SLIT2: variants seen among roughly 807,000 people sequenced by gnomAD.
The protein encoded by SLIT2 is slit guidance ligand 2.
SLIT2 carries 41 observed loss-of-function variants against 185.7 expected under a neutral mutation model. The ratio of observed to expected loss-of-function variants is 0.22; its 90% CI spans 0.17 to 0.29. The LOEUF (loss-of-function observed/expected upper bound fraction) is 0.29. SLIT2 is among the 10% of genes least tolerant of loss of function. The pLI is 1.00. For missense variants in SLIT2, 1,571 were observed against 1,909.0 expected, an observed-to-expected ratio of 0.82 and a Z score of 3.30; for synonymous variants, 693 against 680.2, an observed-to-expected ratio of 1.02 and a Z score of -0.29.
At chr4:20,540,564 C>G (rs1198596540) in intron 19 of SLIT2, among the ~76,000 whole-genome samples, 1 of 151,974 alleles carries the variant, frequency 6.6e-6, no homozygotes, top group Non-Finnish European at 1.5e-5. Flanking sequence ...TATTTCAGGT[C>G]TCTTATATGT....
At chr4:20,279,276 T>C (rs542944178) in intron 4 of SLIT2, among the ~76,000 whole-genome samples, 1 of 152,340 alleles carries the variant, frequency 6.6e-6, no homozygotes, top group Non-Finnish European at 1.5e-5. Flanking sequence ...TTGGCTTTGA[T>C]GACCCACCAT....
intron 34 of SLIT2, 56 bp from the exon 35 acceptor site, chr4:20,616,854 C>G (rs1729693474): frequency 6.6e-7 from 1 of 1,519,568 alleles, no homozygotes; most frequent in South Asian, 1.3e-5. Flanking sequence ...TTCTGAGTAG[C>G]AAATGGCTCA....
At chr4:20,349,656 C>T (rs1222217210) in intron 4 of SLIT2, among the ~76,000 whole-genome samples, 2 of 152,126 alleles carry the variant, frequency 1.3e-5, no homozygotes, top group East Asian at 1.9e-4. Flanking sequence ...CCATGAATTC[C>T]CCAAATTGCT....
intron 4 of SLIT2, among the ~76,000 whole-genome samples, chr4:20,345,516 C>T (rs1189567207): frequency 4.8e-5 from 7 of 144,950 alleles, no homozygotes; most frequent in South Asian, 4.5e-4. Flanking sequence ...TTTTCTTTTT[C>T]TTTTTCTTTT....
intron 7 of SLIT2, among the ~76,000 whole-genome samples, chr4:20,487,954 A>T (rs1440291870): frequency 6.6e-6 from 1 of 152,226 alleles, no homozygotes; most frequent in African/African-American, 2.4e-5. Context: ...AAATGGTATT[A>T]CTGTGTCATA....
At chr4:20,398,261 T>A (rs1183328683) in intron 4 of SLIT2, among the ~76,000 whole-genome samples, 2 of 151,326 alleles carry the variant, frequency 1.3e-5, no homozygotes, top group Non-Finnish European at 3.0e-5. Context: ...AAAATCAGAG[T>A]TGTATTTGTT....
At chr4:20,308,221 A>G (rs913896649) in intron 4 of SLIT2, among the ~76,000 whole-genome samples, 3 of 152,146 alleles carry the variant, frequency 2.0e-5, no homozygotes, top group Non-Finnish European at 2.9e-5. Context: ...GAAGGAGTCT[A>G]CCATTCAGAA....
intron 8 of SLIT2, 154 bp downstream of exon 8, chr4:20,489,136 A>G (rs1233623160): frequency 2.1e-6 from 1 of 481,668 alleles, no homozygotes; most frequent in Non-Finnish European, 3.5e-6. Context: ...CAGTGAAAAT[A>G]TGTTCTGAGA....
At chr4:20,608,727 G>A (rs945084451) in intron 33 of SLIT2, among the ~76,000 whole-genome samples, 1 of 152,256 alleles carries the variant, frequency 6.6e-6, no homozygotes, top group African/African-American at 2.4e-5. Context: ...GACTCCAGTG[G>A]TGAGAACCAT....
intron 4 of SLIT2, among the ~76,000 whole-genome samples, chr4:20,460,281 A>G (rs1426580611): frequency 6.6e-6 from 1 of 152,142 alleles, no homozygotes; most frequent in Non-Finnish European, 1.5e-5. Context: ...TTTGTTTATC[A>G]TATTGTCTAA....
chr4:20,466,663 A>G (rs1365499252), intron 4 of SLIT2, among the ~76,000 whole-genome samples: 1 of 152,142 alleles, frequency 6.6e-6, no homozygotes, highest in South Asian at 2.1e-4. Context: ...AGAAACTCAG[A>G]TCATAAGCAG....
At chr4:20,376,570 T>C (rs1236166273) in intron 4 of SLIT2, among the ~76,000 whole-genome samples, 3 of 152,016 alleles carry the variant, frequency 2.0e-5, no homozygotes, top group Non-Finnish European at 4.4e-5. Flanking sequence ...TGCATGATGG[T>C]TAAAAATATG....
rs528918776 is a variant in SLIT2 at position 20,380,291 on chromosome 4, G to A, written c.396-87461G>A. 5.7e-4 allele frequency among the ~76,000 whole-genome samples: 87 copies of A among 152,188 alleles called. No individual in the cohort carries two copies. The South Asian group carries it at 0.015, about 25-fold the overall frequency. On this transcript the variant is annotated intron_variant, in intron 4 of 36. Coordinates refer to ENST00000504154, the MANE Select transcript of SLIT2 (RefSeq NM_004787.4). The stretch of plus-strand genomic sequence containing the variant: ...CAAAATGAATAAACAAATCCAAATT[G>A]CTTAGCTATATCCCAGAATATAGTC...
At chr4:20,496,790 G>A (rs1718265829) in intron 9 of SLIT2, among the ~76,000 whole-genome samples, 1 of 151,960 alleles carries the variant, frequency 6.6e-6, no homozygotes. Flanking sequence ...TTGGGTAAAT[G>A]GAATAATTTA....
intron 4 of SLIT2, among the ~76,000 whole-genome samples, chr4:20,435,879 G>C (rs931264341): frequency 2.0e-5 from 3 of 152,154 alleles, no homozygotes; most frequent in African/African-American, 7.2e-5. Flanking sequence ...AATTTAACTT[G>C]CATTTGTGGG....
At position 20,434,877 on chromosome 4, in the gene SLIT2, C is replaced by T. The variant is rs74383834; in HGVS notation, c.396-32875C>T. ...AAAGCAAGGTGCATGTCAAAGTTAT[C>T]TAAATTCCAAAAATTGAGAACATAT... On this transcript the variant is annotated intron_variant, in intron 4 of 36. Transcript: ENST00000504154. Among the ~76,000 whole-genome samples, 608 of 152,252 alleles carry T rather than the reference C, an allele frequency of 4.0e-3. 4 individuals carry two copies. The highest frequency in any genetic ancestry group is 0.014 in the African/African-American group (583 of 41,548).
intron 4 of SLIT2, among the ~76,000 whole-genome samples, chr4:20,331,313 C>T (rs534278565): frequency 1.3e-5 from 2 of 152,022 alleles, no homozygotes; most frequent in South Asian, 4.2e-4. Flanking sequence ...ATACATTTTC[C>T]AATTATTGCT....
In SLIT2 at chr4:20,521,131, C is replaced by G. The variant is rs16869701; in HGVS notation, c.1130+1678C>G. On this transcript the variant is annotated intron_variant, in intron 12 of 36. Transcript: ENST00000504154. Reference sequence around the variant, plus strand: ...ATCACTGCCCTATCTACTACAAATACGTGAAGTGTCACCTTCTTTTTCTTT... The same window carrying G: ...ATCACTGCCCTATCTACTACAAATAGGTGAAGTGTCACCTTCTTTTTCTTT... Among the ~76,000 whole-genome samples, 113 of 152,266 alleles carry G rather than the reference C, an allele frequency of 7.4e-4. 1 individual carries two copies. Among genetic ancestry groups the G allele is most frequent in the African/African-American group, 2.5e-3 (102 of 41,546 alleles).
At chr4:20,497,187 T>C (rs1243695538) in intron 9 of SLIT2, among the ~76,000 whole-genome samples, 10 of 151,858 alleles carry the variant, frequency 6.6e-5, no homozygotes, top group Admixed American at 1.3e-4. Context: ...TCATATTCCC[T>C]CTCTAATGAA....
Sources: allele counts gnomAD v4.1 joint callset (sites outside exome capture counted in the v4.1 genomes callset), GRCh38; gene constraint gnomAD v4.1.1; transcripts MANE v1.5; gene names NCBI Gene and HGNC (gene_info 2026-07-23, HGNC 2026-07-21).